The following BTBD9 variants were observed in gnomAD, a reference collection of about 807,000 sequenced individuals.
BTBD9 encodes BTB/POZ domain-containing protein 9.
Under a neutral mutation model 64.3 loss-of-function variants are expected in BTBD9, and 49 were observed. The ratio of observed to expected loss-of-function variants is 0.76; its 90% confidence interval spans 0.61 to 0.97. The LOEUF is 0.97. BTBD9 is among the 50% of genes least tolerant of loss of function. BTBD9 has a pLI of 0.00. For missense variants in BTBD9, 598 were observed against 762.1 expected, an observed-to-expected ratio of 0.78 and a Z score of 2.53; for synonymous variants, 260 against 274.7, an observed-to-expected ratio of 0.95 and a Z score of 0.53.
rs537116649 is a variant in BTBD9, at chr6:38,385,231, G to A, written c.1155-40138C>T. 2.7e-5 allele frequency among the ~76,000 whole-genome samples: 4 copies of A among 146,422 alleles called. No homozygotes were observed. The South Asian group carries it at 9.0e-4, about 33-fold the overall frequency. Reference sequence around the variant, plus strand: ...TTTTGAGACAAAGTCTTGCTCTGTCGCCCAGGCTGGGGTGCAGTGGCTCAA... The same window carrying A: ...TTTTGAGACAAAGTCTTGCTCTGTCACCCAGGCTGGGGTGCAGTGGCTCAA... On this transcript the variant is annotated intron_variant, in intron 6 of 10. Transcript: ENST00000481247.
intron 7 of BTBD9, among the ~76,000 whole-genome samples, chr6:38,303,874 T>TATATATATACACAC (rs368257334): frequency 1.1e-4 from 9 of 82,636 alleles, no homozygotes; most frequent in African/African-American, 2.9e-4. Context: ...TATATATATA[T>TATATATATACACAC]ACACACACAC....
intron 6 of BTBD9, among the ~76,000 whole-genome samples, chr6:38,518,128 G>GC (rs1192417138): frequency 1.3e-5 from 2 of 152,100 alleles, no homozygotes; most frequent in Admixed American, 6.6e-5. Flanking sequence ...AACCATTCAG[G>GC]CAGCAACAAT....
intron 7 of BTBD9, among the ~76,000 whole-genome samples, chr6:38,333,997 G>C (rs1763783148): frequency 6.6e-6 from 1 of 152,198 alleles, no homozygotes; most frequent in Non-Finnish European, 1.5e-5. Context: ...ATAGTGATGT[G>C]ACAGTGAAGT....
intron 6 of BTBD9, among the ~76,000 whole-genome samples, chr6:38,432,392 A>G (rs1307565767): frequency 2.0e-5 from 3 of 152,100 alleles, no homozygotes; most frequent in Admixed American, 1.3e-4. Context: ...ATTAAGTATG[A>G]TAACAGTCCC....
intron 4 of BTBD9, among the ~76,000 whole-genome samples, chr6:38,584,138 C>G (rs1038006468): frequency 3.3e-5 from 5 of 152,036 alleles, no homozygotes; most frequent in Non-Finnish European, 7.4e-5. Flanking sequence ...ACCATCCTGG[C>G]CAACATGGCA....
At chr6:38,389,470 T>C (rs1766318438) in intron 6 of BTBD9, among the ~76,000 whole-genome samples, 1 of 152,254 alleles carries the variant, frequency 6.6e-6, no homozygotes, top group South Asian at 2.1e-4. Flanking sequence ...GCACCTGCAC[T>C]ACACATACAG....
intron 7 of BTBD9, among the ~76,000 whole-genome samples, chr6:38,342,181 C>T (rs1406974718): frequency 6.6e-6 from 1 of 151,962 alleles, no homozygotes; most frequent in South Asian, 2.1e-4. Flanking sequence ...AAGGAGCCTG[C>T]ACTATGAAAA....
intron 7 of BTBD9, among the ~76,000 whole-genome samples, chr6:38,303,848 T>G (rs1405847460): frequency 2.1e-5 from 2 of 97,508 alleles, no homozygotes; most frequent in Admixed American, 1.1e-4. Flanking sequence ...TAGATATATA[T>G]ATATATATAT....
intron 10 of BTBD9, among the ~76,000 whole-genome samples, chr6:38,185,941 GC>G (rs1297900738): frequency 6.6e-5 from 10 of 152,148 alleles, no homozygotes; most frequent in African/African-American, 2.4e-4. Context: ...GTGGATGGAC[GC>G]TCATGGTGTC....
chr6:38,402,735 T>G (rs980910424), intron 6 of BTBD9: 8 of 691,680 alleles, frequency 1.2e-5, no homozygotes, highest in Non-Finnish European at 2.1e-5. Flanking sequence ...GAGGTGTATG[T>G]TATCATAACC....
At chr6:38,334,652 A>T (rs1349667268) in intron 7 of BTBD9, among the ~76,000 whole-genome samples, 1 of 136,332 alleles carries the variant, frequency 7.3e-6, no homozygotes, top group African/African-American at 3.6e-5. Flanking sequence ...AATAAAATAA[A>T]ATAAAACAAA....
intron 8 of BTBD9, among the ~76,000 whole-genome samples, chr6:38,261,050 C>T (rs1478351331): frequency 6.6e-6 from 1 of 152,100 alleles, no homozygotes; most frequent in Non-Finnish European, 1.5e-5. Flanking sequence ...AGTGATCCTC[C>T]TGCCTCAGCT....
At chr6:38,202,759 A>C in intron 9 of BTBD9, among the ~76,000 whole-genome samples, 1 of 152,206 alleles carries the variant, frequency 6.6e-6, no homozygotes, top group East Asian at 1.9e-4. Flanking sequence ...TCAACTCAAG[A>C]TTGATTAAGG....
intron 6 of BTBD9, among the ~76,000 whole-genome samples, chr6:38,496,055 G>A (rs186842409): frequency 1.8e-3 from 276 of 152,174 alleles, no homozygotes; most frequent in South Asian, 3.1e-3. Flanking sequence ...CTTTCTGCCC[G>A]TTGTGACCGT....
intron 6 of BTBD9, among the ~76,000 whole-genome samples, chr6:38,543,732 C>A (rs528455317): frequency 1.3e-5 from 2 of 152,028 alleles, no homozygotes; most frequent in Admixed American, 6.5e-5. Flanking sequence ...CCGAGACGGG[C>A]GGATCACGAG....
intron 6 of BTBD9, among the ~76,000 whole-genome samples, chr6:38,480,496 T>C (rs1479804736): frequency 6.6e-6 from 1 of 152,206 alleles, no homozygotes; most frequent in South Asian, 2.1e-4. Flanking sequence ...CAATCTGCTT[T>C]TAGCCTCTCA....
Position 38,253,050 on chromosome 6 carries a change from G to A in BTBD9, c.1562+3359C>T, listed in dbSNP as rs190743172. ...AATCACCTGAACCTGGGAGGCGGAG[G>A]TTCCAGTGAGCCGAGCTCATGCCAC... On this transcript the variant is annotated intron_variant, in intron 9 of 10. Transcript: ENST00000481247. 2.5e-3 allele frequency among the ~76,000 whole-genome samples: 378 copies of A among 152,234 alleles called. 2 individuals are homozygous for A. Among genetic ancestry groups the A allele is most frequent in the African/African-American group, 8.6e-3 (359 of 41,522 alleles).
intron 9 of BTBD9, among the ~76,000 whole-genome samples, chr6:38,202,087 T>A (rs1460038116): frequency 1.3e-5 from 1 of 74,620 alleles, no homozygotes; most frequent in Non-Finnish European, 2.5e-5. Flanking sequence ...TTTTTTTTGT[T>A]TTTTTTTTTT....
At chr6:38,400,772 T>G (rs1358664473) in intron 6 of BTBD9, among the ~76,000 whole-genome samples, 2 of 152,254 alleles carry the variant, frequency 1.3e-5, no homozygotes, top group Non-Finnish European at 2.9e-5. Context: ...AAAGTATTCA[T>G]GCTCACTGTA....
Sources: allele counts gnomAD v4.1 joint callset (sites outside exome capture counted in the v4.1 genomes callset), GRCh38; gene constraint gnomAD v4.1.1; transcripts MANE v1.5; gene names NCBI Gene and HGNC (gene_info 2026-07-23, HGNC 2026-07-21).